Variants in MICAL2 observed in about 807,000 individuals in gnomAD.
The protein encoded by MICAL2 is [F-actin]-monooxygenase MICAL2.
Under a neutral mutation model 127.3 loss-of-function variants are expected in MICAL2, and 77 were observed. The ratio of observed to expected loss-of-function variants is 0.60; its 90% confidence interval spans 0.50 to 0.73. The LOEUF (loss-of-function observed/expected upper bound fraction) is 0.73, where lower values mean the gene tolerates loss of function less well. Among genes scored for constraint, MICAL2 ranks in the 30% least tolerant of loss-of-function variants. MICAL2 has a pLI of 0.00. For missense variants in MICAL2, 1,351 were observed against 1,434.4 expected, an observed-to-expected ratio of 0.94 and a Z score of 0.94; for synonymous variants, 570 against 551.1, an observed-to-expected ratio of 1.03 and a Z score of -0.48.
intron 1 of MICAL2, among the ~76,000 whole-genome samples, chr11:12,120,945 A>G (rs953528194): frequency 1.3e-5 from 2 of 152,336 alleles, no homozygotes; most frequent in South Asian, 4.1e-4. Flanking sequence ...TGTGGGGAAC[A>G]GGGTGGGGGG....
intron 3 of MICAL2, among the ~76,000 whole-genome samples, chr11:12,165,082 TGAGCTGAGATCACACCGCTG>T: frequency 6.9e-6 from 1 of 143,992 alleles, no homozygotes; most frequent in African/African-American, 2.6e-5. Flanking sequence ...TAGGTTGCAG[TGAGCTGAGATCACACCGCTG>T]CACTCCAGCC....
intron 8 of MICAL2, 37 bp from the exon 9 acceptor site, chr11:12,220,163 AG>A (rs1268038493): frequency 6.2e-7 from 1 of 1,611,582 alleles, no homozygotes; most frequent in African/African-American, 1.3e-5. Context: ...AGCCCTTTAG[AG>A]GGGGAGGTTG....
At chr11:12,128,366 C>G (rs1851122365) in intron 1 of MICAL2, among the ~76,000 whole-genome samples, 1 of 152,176 alleles carries the variant, frequency 6.6e-6, no homozygotes, top group African/African-American at 2.4e-5. Context: ...GCAATAACTG[C>G]CCAAGATAAT....
chr11:12,261,041 C>G (rs536121292), intron 26 of MICAL2: 2 of 985,434 alleles, frequency 2.0e-6, no homozygotes, highest in Non-Finnish European at 2.4e-6. Context: ...TCCCCCAGCC[C>G]GGGCTGCAGG....
intron 1 of MICAL2, among the ~76,000 whole-genome samples, chr11:12,125,173 G>T (rs1254065683): frequency 6.6e-6 from 1 of 152,234 alleles, no homozygotes; most frequent in East Asian, 1.9e-4. Flanking sequence ...CATTTCCATC[G>T]TATCTCTATG....
Position 12,162,066 on chromosome 11 carries a change from C to G in MICAL2, c.-77-13C>G. ...CGTCCAAAGCTGACCTCTGCCTCCCCCTACTTTCACAGGTGTGACGTTTCT... is the reference window on the plus strand; with the variant it reads ...CGTCCAAAGCTGACCTCTGCCTCCCGCTACTTTCACAGGTGTGACGTTTCT... On this transcript the variant is annotated splice_polypyrimidine_tract_variant and intron_variant, in intron 2 of 27. Coordinates refer to ENST00000683283, the MANE Select transcript of MICAL2 (RefSeq NM_001282663.2). 3.2e-6 allele frequency: 5 copies of G among 1,570,428 alleles called. No homozygotes were observed. Among genetic ancestry groups the G allele is most frequent in the Non-Finnish European group, 3.5e-6 (4 of 1,154,458 alleles).
At chr11:12,245,229 C>T (rs1363249798) in intron 21 of MICAL2, among the ~76,000 whole-genome samples, 2 of 152,176 alleles carry the variant, frequency 1.3e-5, no homozygotes, top group Non-Finnish European at 2.9e-5. Flanking sequence ...CCCACTCCAC[C>T]CACCAACTGT....
chr11:12,287,987 C>T (rs1352891850), downstream of MICAL2, among the ~76,000 whole-genome samples: 5 of 152,282 alleles, frequency 3.3e-5, no homozygotes, highest in Admixed American at 6.5e-5. Context: ...TACCAAGAAA[C>T]GTTGTTGCAG....
At chr11:12,254,056 GA>G (rs965145702) in intron 22 of MICAL2, 4 of 152,158 alleles carry the variant, frequency 2.6e-5, no homozygotes, top group South Asian at 2.1e-4. Context: ...TCCAGCAAAG[GA>G]TGCTCCTATC....
intron 30 of MICAL2, among the ~76,000 whole-genome samples, chr11:12,321,641 A>C (rs1864298285): frequency 1.7e-5 from 1 of 60,386 alleles, no homozygotes; most frequent in African/African-American, 5.6e-5. Context: ...TGCCTTGTAT[A>C]TGTAAGGCTG....
intron 7 of MICAL2, among the ~76,000 whole-genome samples, chr11:12,215,912 C>T (rs1005858972): frequency 6.6e-6 from 1 of 152,206 alleles, no homozygotes; most frequent in Non-Finnish European, 1.5e-5. Flanking sequence ...CTTCTGTGGC[C>T]ATGGCCGGCA....
chr11:12,305,760 C>T (rs1590730683), intron 29 of MICAL2, among the ~76,000 whole-genome samples: 1 of 152,078 alleles, frequency 6.6e-6, no homozygotes, highest in Non-Finnish European at 1.5e-5. Flanking sequence ...AATCCATGGA[C>T]GTGATACATC....
At chr11:12,119,157 C>G (rs935373453) in intron 1 of MICAL2, among the ~76,000 whole-genome samples, 1 of 152,156 alleles carries the variant, frequency 6.6e-6, no homozygotes. Flanking sequence ...TGGGTTCCCC[C>G]CTCCTCCCCT....
rs1426595681 is a variant in MICAL2 at position 12,242,370 on chromosome 11, A to G, written c.2494A>G (p.Arg832Gly). ...CGCTACCCTGCCTTCTACCCGCCCG[A>G]GGGCGCAGGCTCTTTCCGGGGTGCT... ...NFATLPSTRP[R>G]AQALSGVLWR... The change falls in exon 19 of 28, where the codon AGG becomes GGG. Residue 832 changes from arginine (R) to glycine (G), a missense_variant. Transcript: ENST00000683283. 9 of 1,613,980 alleles carry G rather than the reference A, an allele frequency of 5.6e-6. No individual in the cohort carries two copies.
intron 2 of MICAL2, among the ~76,000 whole-genome samples, chr11:12,159,045 G>C (rs1404276651): frequency 6.6e-6 from 1 of 152,168 alleles, no homozygotes; most frequent in Non-Finnish European, 1.5e-5. Context: ...AGGCTGCTGG[G>C]CTACATATCC....
downstream of MICAL2, among the ~76,000 whole-genome samples, chr11:12,291,030 C>T (rs1863891664): frequency 6.6e-6 from 1 of 152,106 alleles, no homozygotes; most frequent in South Asian, 2.1e-4. Flanking sequence ...GCTACACACC[C>T]TGCAGGAAAA....
At chr11:12,313,810 T>C (rs1441458235) in intron 29 of MICAL2, among the ~76,000 whole-genome samples, 2 of 152,092 alleles carry the variant, frequency 1.3e-5, no homozygotes, top group Admixed American at 6.5e-5. Context: ...CTCTTTCTAG[T>C]TAAGTAAGTT....
In MICAL2 at chr11:12,247,355, C is replaced by T. The variant is rs560905119; in HGVS notation, c.2785-1829C>T. Among the ~76,000 whole-genome samples, 5 of 152,322 alleles carry T rather than the reference C, an allele frequency of 3.3e-5. No homozygotes were observed. The South Asian group carries it at 1.0e-3, about 32-fold the overall frequency. On this transcript the variant is annotated intron_variant, in intron 21 of 27. Transcript: ENST00000683283. ...TTGTTCTTTTAAAAAATTCTTTCTC[C>T]CTAGCCAGCGTTGGCCATTAGATGA...
intron 1 of MICAL2, among the ~76,000 whole-genome samples, chr11:12,128,867 G>T (rs996781739): frequency 2.0e-5 from 3 of 152,196 alleles, no homozygotes; most frequent in Admixed American, 2.0e-4. Flanking sequence ...GCTTCATAGG[G>T]TTGTTATGAG....
Sources: allele counts gnomAD v4.1 joint callset (sites outside exome capture counted in the v4.1 genomes callset), GRCh38; gene constraint gnomAD v4.1.1; transcripts MANE v1.5; gene names NCBI Gene and HGNC (gene_info 2026-07-23, HGNC 2026-07-21).